KCNQ1: variants seen among roughly 807,000 people sequenced by gnomAD.
The protein encoded by KCNQ1 is potassium voltage-gated channel subfamily KQT member 1.
Under a neutral mutation model 72.4 loss-of-function variants are expected in KCNQ1, and 49 were observed. That is an observed-to-expected ratio of 0.68 (90% CI 0.54 to 0.86). The LOEUF (loss-of-function observed/expected upper bound fraction) is 0.86. KCNQ1 is among the 40% of genes least tolerant of loss of function. KCNQ1 has a pLI of 0.00. For missense variants in KCNQ1, 790 were observed against 945.1 expected, an observed-to-expected ratio of 0.84 and a Z score of 2.15; for synonymous variants, 450 against 412.6, an observed-to-expected ratio of 1.09 and a Z score of -1.10.
chr11:2,632,899 T>A, intron 10 of KCNQ1: 1 of 398,502 alleles, frequency 2.5e-6, no homozygotes, highest in Non-Finnish European at 4.4e-6. Context: ...AATATCTTTT[T>A]TATATACTGA....
In KCNQ1 at chr11:2,613,805, C is replaced by G. The variant is rs1457790084; in HGVS notation, c.1393+24951C>G. 3 of 398,358 alleles carry G rather than the reference C, an allele frequency of 7.5e-6. No homozygotes were observed. The highest frequency in any genetic ancestry group is 1.3e-5 in the Non-Finnish European group (3 of 226,034). The allele number at this position is 398,358 out of a possible 1,614,324, so 24.7% of individuals were successfully genotyped here. Reference sequence around the variant, plus strand: ...CCCATATCTCTTCCATCCTAATTCCCCCTACCCATTATAGGTAACCAGTTT... The same window carrying G: ...CCCATATCTCTTCCATCCTAATTCCGCCTACCCATTATAGGTAACCAGTTT... On this transcript the variant is annotated intron_variant, in intron 10 of 15. Coordinates refer to ENST00000155840, the MANE Select transcript of KCNQ1 (RefSeq NM_000218.3). This position sits in a 1 kb window ranked among gnomAD's most constrained non-coding sequence, Gnocchi z 4.8.
At chr11:2,689,629 A>G (rs930403046) in intron 11 of KCNQ1, 13 of 398,582 alleles carry the variant, frequency 3.3e-5, no homozygotes, top group Non-Finnish European at 2.7e-5. Context: ...GGAACAAAAC[A>G]AGCCAGCAGG....
At chr11:2,618,554 T>A in intron 10 of KCNQ1, 1 of 398,588 alleles carries the variant, frequency 2.5e-6, no homozygotes. Context: ...GTTCCACTGG[T>A]CTACATGTTT....
intron 11 of KCNQ1, chr11:2,685,954 C>A: frequency 2.5e-6 from 1 of 398,786 alleles, no homozygotes; most frequent in Non-Finnish European, 4.4e-6. Context: ...CCTGCTGGGT[C>A]ACACGGATGA....
chr11:2,625,300 G>T (rs1180580729), intron 10 of KCNQ1: 7 of 398,444 alleles, frequency 1.8e-5, no homozygotes, highest in Non-Finnish European at 3.1e-5. Flanking sequence ...ACTTAGGCTG[G>T]AATGCAGTGG....
At chr11:2,791,773 A>AT (rs1847028964) in intron 15 of KCNQ1, among the ~76,000 whole-genome samples, 1 of 133,866 alleles carries the variant, frequency 7.5e-6, no homozygotes, top group Admixed American at 7.4e-5. Flanking sequence ...CGGCAGGTGG[A>AT]TGCCCAGGTC....
chr11:2,672,235 C>T, intron 11 of KCNQ1: 1 of 398,660 alleles, frequency 2.5e-6, no homozygotes, highest in Non-Finnish European at 4.4e-6. Flanking sequence ...CCAAAATACT[C>T]AAATGCTTTT....
chr11:2,746,705 C>T lies in KCNQ1; in HGVS notation c.1515-22139C>T, dbSNP rs1039677029. ...TCCTGTCGGTGTGGCTCGTCATGGG[C>T]GATGCTGTCTCTGTCTCCTGGCTCT... On this transcript the variant is annotated intron_variant, in intron 11 of 15. Coordinates refer to ENST00000155840, the MANE Select transcript of KCNQ1 (RefSeq NM_000218.3). The surrounding 1 kb of genome is among the most constrained non-coding windows in gnomAD (Gnocchi z 5.9). 4.7e-4 allele frequency among the ~76,000 whole-genome samples: 71 copies of T among 152,232 alleles called. No individual in the cohort carries two copies. Among genetic ancestry groups the T allele is most frequent in the Non-Finnish European group, 8.5e-4 (58 of 68,028 alleles).
chr11:2,532,951 A>G (rs1404190355), intron 2 of KCNQ1, among the ~76,000 whole-genome samples: 1 of 152,194 alleles, frequency 6.6e-6, no homozygotes, highest in East Asian at 1.9e-4. Context: ...GAAGGCCTGT[A>G]GACGCCAGAG....
At chr11:2,576,668 C>T (rs1447114376) in intron 6 of KCNQ1, among the ~76,000 whole-genome samples, 1 of 152,268 alleles carries the variant, frequency 6.6e-6, no homozygotes, top group Non-Finnish European at 1.5e-5. Context: ...ATTCCCGCCT[C>T]CCTGGCAACG....
chr11:2,823,830 T>C (rs1170012917), intron 15 of KCNQ1, among the ~76,000 whole-genome samples: 2 of 152,054 alleles, frequency 1.3e-5, no homozygotes, highest in African/African-American at 4.8e-5. Context: ...ATCAAAACAA[T>C]GGGGAAGCTG....
rs150235623 is a variant in KCNQ1 at position 2,743,188 on chromosome 11, G to T, written c.1515-25656G>T. 5.1e-3 allele frequency among the ~76,000 whole-genome samples: 782 copies of T among 152,234 alleles called. 5 individuals are homozygous for T. The highest frequency in any genetic ancestry group is 0.018 in the African/African-American group (734 of 41,540). ...AAGGGGCATTCCCAGAAATCACAGGGATGACTGGTGTGAGCCCACCGCCCA... is the reference window on the plus strand; with the variant it reads ...AAGGGGCATTCCCAGAAATCACAGGTATGACTGGTGTGAGCCCACCGCCCA... On this transcript the variant is annotated intron_variant, in intron 11 of 15. Transcript: ENST00000155840.
chr11:2,611,100 G>T lies in KCNQ1; in HGVS notation c.1393+22246G>T. 1 of 398,148 alleles carries T rather than the reference G, an allele frequency of 2.5e-6. No homozygotes were observed. Among genetic ancestry groups the T allele is most frequent in the South Asian group, 1.3e-4 (1 of 7,818 alleles). The allele number at this position is 398,148 out of a possible 1,614,324, so 24.7% of individuals were successfully genotyped here. On this transcript the variant is annotated intron_variant, in intron 10 of 15. Coordinates refer to ENST00000155840, the MANE Select transcript of KCNQ1 (RefSeq NM_000218.3). The surrounding 1 kb of genome is among the most constrained non-coding windows in gnomAD (Gnocchi z 5.3). ...CTGTTATAAATTTTTATTTCTTTAT[G>T]ACTTCTGTTTATGATTTCTATTTCT...
rs1293853434 is a variant in KCNQ1 at position 2,563,537 on chromosome 11, T to G, written c.478-7091T>G. ...GAGCTTCCATTTTCCTTCCGCACCA[T>G]GCACTGATTTCCCCTGGGTTGAGGT... On this transcript the variant is annotated intron_variant, in intron 2 of 15. Coordinates refer to ENST00000155840, the MANE Select transcript of KCNQ1 (RefSeq NM_000218.3). The surrounding 1 kb of genome is among the most constrained non-coding windows in gnomAD (Gnocchi z 7.4). Among the ~76,000 whole-genome samples the G allele has an allele frequency of 6.6e-6, 1 of 152,236 alleles. No individual in the cohort carries two copies. The highest frequency in any genetic ancestry group is 1.5e-5 in the Non-Finnish European group (1 of 68,048).
Position 2,663,305 on chromosome 11 carries a change from G to A in KCNQ1, c.1514+1224G>A, listed in dbSNP as rs376835271. On this transcript the variant is annotated intron_variant, in intron 11 of 15. Transcript: ENST00000155840. The surrounding 1 kb of genome is among the most constrained non-coding windows in gnomAD (Gnocchi z 5.2). ...GGCTCTGAGCTTCTGGGCCCCTCCT[G>A]GCTGGGTAAAAAGGCAGGAGCAGAG... 1.0e-5 allele frequency: 4 copies of A among 398,664 alleles called. No homozygotes were observed. Among genetic ancestry groups the A allele is most frequent in the African/African-American group, 8.2e-5 (4 of 48,614 alleles). 24.7% of individuals were successfully genotyped at this position (398,664 alleles called of 1,614,324 possible). A position where few individuals can be genotyped will look rare whatever the true frequency, so the allele number is the denominator to read the frequency against.
intron 1 of KCNQ1, among the ~76,000 whole-genome samples, chr11:2,496,229 G>A (rs1203694225): frequency 6.6e-6 from 1 of 152,022 alleles, no homozygotes; most frequent in Non-Finnish European, 1.5e-5. Flanking sequence ...GAGATCAGGA[G>A]ATCGAGACCA....
chr11:2,529,341 G>A (rs1004954895), intron 2 of KCNQ1, among the ~76,000 whole-genome samples: 1 of 152,034 alleles, frequency 6.6e-6, no homozygotes, highest in African/African-American at 2.4e-5. Flanking sequence ...TTTCCTGGTG[G>A]CGCTTGCAGC....
chr11:2,625,581 T>C lies in KCNQ1; in HGVS notation c.1394-36380T>C, dbSNP rs553026692. Reference sequence around the variant, plus strand: ...ACGTCTGTCCAAGTCCTTTGCCCTTTTTTTTTTTTTTTTGAGATGGAGTCT... The same window carrying C: ...ACGTCTGTCCAAGTCCTTTGCCCTTCTTTTTTTTTTTTTGAGATGGAGTCT... On this transcript the variant is annotated intron_variant, in intron 10 of 15. Transcript: ENST00000155840. The C allele has an allele frequency of 1.3e-3, 275 of 204,444 alleles. 1 individual carries two copies. Among genetic ancestry groups the C allele is most frequent in the Middle Eastern group, 1.5e-3 (1 of 646 alleles). 12.7% of individuals were successfully genotyped at this position (204,444 alleles called of 1,614,324 possible).
At chr11:2,694,951 A>G in intron 11 of KCNQ1, 1 of 398,736 alleles carries the variant, frequency 2.5e-6, no homozygotes, top group Non-Finnish European at 4.4e-6. Context: ...GGCAGGAGGG[A>G]TACTTGGCAG....
Sources: gnomAD v4.1 joint callset for allele counts (sites outside exome capture counted in the v4.1 genomes callset) on GRCh38, gnomAD v4.1.1 for gene constraint, Gnocchi (gnomAD v3.1) non-coding constraint, MANE v1.5 for transcripts, NCBI Gene and HGNC (gene_info 2026-07-23, HGNC 2026-07-21) for gene names.